The following STK3 variants were observed in gnomAD, a reference collection of about 807,000 sequenced individuals.
The protein encoded by STK3 is serine/threonine kinase 3.
STK3 carries 41 observed loss-of-function variants against 58.0 expected under a neutral mutation model. The ratio of observed to expected loss-of-function variants is 0.71; its 90% CI spans 0.55 to 0.92. The LOEUF is 0.92. Ranked by LOEUF, STK3 falls within the 40% of genes least tolerant of loss-of-function variation. STK3 has a pLI of 0.00. For synonymous variants in STK3, 170 were observed against 191.0 expected (o/e 0.89, Z 0.91); for missense variants, 479 against 602.7 (o/e 0.79, Z 2.15).
chr8:98,350,767 A>G, the STK3 span, among the ~76,000 whole-genome samples: 1 of 152,226 alleles, frequency 6.6e-6, no homozygotes, highest in African/African-American at 2.4e-5. Flanking sequence ...TACCATGAGA[A>G]CAGTATGGGG....
intron 1 of STK3, among the ~76,000 whole-genome samples, chr8:98,934,169 G>C (rs1199460603): frequency 2.6e-5 from 4 of 152,220 alleles, no homozygotes; most frequent in Admixed American, 2.6e-4. Flanking sequence ...ACAGAGCCAG[G>C]AAGAATCCAG....
rs534412254 is a variant in STK3, at chr8:98,654,592, G to C, written c.684+51875C>G. On this transcript the variant is annotated intron_variant, in intron 6 of 10. Transcript: ENST00000419617. ...TTGGATATCTAGAAAACCCCATTGT[G>C]TTAGCCCAAAATCTCCTTAAGCTGA... is the stretch of plus-strand genomic sequence containing the variant. 8.0e-4 allele frequency among the ~76,000 whole-genome samples: 122 copies of C among 152,168 alleles called. No individual in the cohort carries two copies. In the South Asian group the frequency reaches 0.011, roughly 14 times the overall value.
chr8:98,353,736 C>T, the STK3 span, among the ~76,000 whole-genome samples: 3 of 152,098 alleles, frequency 2.0e-5, no homozygotes, highest in African/African-American at 7.2e-5. Context: ...TAGGATATCA[C>T]CAACTTGCAG....
intron 8 of STK3, among the ~76,000 whole-genome samples, chr8:98,556,500 G>C (rs1811599323): frequency 6.6e-6 from 1 of 152,074 alleles, no homozygotes; most frequent in Non-Finnish European, 1.5e-5. Flanking sequence ...GGTAAAATTA[G>C]GGAAGAATAG....
At chr8:98,723,350 GA>G (rs1421058622) in intron 4 of STK3, among the ~76,000 whole-genome samples, 1 of 152,086 alleles carries the variant, frequency 6.6e-6, no homozygotes, top group East Asian at 1.9e-4. Context: ...AAAACAAAAA[GA>G]TGGTTTTGAT....
chr8:98,510,233 T>C (rs939820263), intron 10 of STK3, among the ~76,000 whole-genome samples: 1 of 152,136 alleles, frequency 6.6e-6, no homozygotes, highest in Non-Finnish European at 1.5e-5. Context: ...TTAAGTATTA[T>C]TGAACAGTCA....
At chr8:98,446,802 G>A (rs943390241) in intron 1 of STK3, among the ~76,000 whole-genome samples, 2 of 152,076 alleles carry the variant, frequency 1.3e-5, no homozygotes, top group Non-Finnish European at 2.9e-5. Context: ...GTTCATTGCT[G>A]CATCACTCAC....
At chr8:98,814,415 G>A (rs911361641) in intron 1 of STK3, among the ~76,000 whole-genome samples, 2 of 146,186 alleles carry the variant, frequency 1.4e-5, no homozygotes, top group Non-Finnish European at 3.0e-5. Flanking sequence ...ATAATTACAA[G>A]TCACTGCAGC....
intron 1 of STK3, among the ~76,000 whole-genome samples, chr8:98,896,621 T>C (rs1411643790): frequency 1.3e-5 from 2 of 152,226 alleles, no homozygotes; most frequent in Non-Finnish European, 2.9e-5. Context: ...TTTGACCAAG[T>C]CCAGCCTCCC....
intron 10 of STK3, among the ~76,000 whole-genome samples, chr8:98,494,654 C>CAAAAAAAAAA (rs398008984): frequency 4.9e-5 from 2 of 40,458 alleles, no homozygotes; most frequent in South Asian, 1.3e-3. Context: ...GACCCTGTCT[C>CAAAAAAAAAA]AAAAAAAAAA....
At chr8:98,740,383 A>C (rs962956148) in intron 4 of STK3, among the ~76,000 whole-genome samples, 1 of 152,258 alleles carries the variant, frequency 6.6e-6, no homozygotes, top group Non-Finnish European at 1.5e-5. Flanking sequence ...CCATCAGACT[A>C]ACAGCTGATC....
At chr8:98,413,571 T>C in intron 3 of STK3, 1 of 664,980 alleles carries the variant, frequency 1.5e-6, no homozygotes, top group Non-Finnish European at 2.9e-6. Flanking sequence ...AGATGACAAC[T>C]TTGTGTCTAA....
chr8:98,860,230 A>G (rs967125474), intron 3 of STK3, among the ~76,000 whole-genome samples: 5 of 152,232 alleles, frequency 3.3e-5, no homozygotes, highest in African/African-American at 9.7e-5. Flanking sequence ...CATGAAATAG[A>G]TAAGTGCTAT....
chr8:98,767,630 G>C lies in STK3; in HGVS notation c.108-259C>G, dbSNP rs530750700. ...TCTTATGAATGAAAGAAACAGACTT[G>C]CGTTTGGTCAACTCAAACAAATGCA... On this transcript the variant is annotated intron_variant, in intron 2 of 10. Transcript: ENST00000419617. Among the ~76,000 whole-genome samples the C allele has an allele frequency of 8.5e-5, 13 of 152,212 alleles. No homozygotes were observed. In the East Asian group the frequency reaches 9.6e-4, roughly 11 times the overall value.
intron 9 of STK3, among the ~76,000 whole-genome samples, chr8:98,536,921 A>G (rs1459970299): frequency 6.6e-6 from 1 of 152,184 alleles, no homozygotes; most frequent in Non-Finnish European, 1.5e-5. Flanking sequence ...AAATATCACT[A>G]CGTCTCAGAT....
At chr8:98,793,569 C>T (rs1427251794) in intron 1 of STK3, among the ~76,000 whole-genome samples, 4 of 152,072 alleles carry the variant, frequency 2.6e-5, no homozygotes, top group Non-Finnish European at 5.9e-5. Context: ...TAGGAAAAGA[C>T]TTAAACAACC....
chr8:98,392,355 C>G (rs894289429), upstream of STK3, among the ~76,000 whole-genome samples: 4 of 152,156 alleles, frequency 2.6e-5, no homozygotes, highest in African/African-American at 9.7e-5. Flanking sequence ...TCATCCTAAA[C>G]AATACCCCAT....
chr8:98,362,108 G>C, the STK3 span, among the ~76,000 whole-genome samples: 1 of 152,156 alleles, frequency 6.6e-6, no homozygotes, highest in Non-Finnish European at 1.5e-5. Context: ...AAGGAAGGTC[G>C]GTTAACCAAC....
intron 3 of STK3, among the ~76,000 whole-genome samples, chr8:98,414,525 A>G (rs188069309): frequency 3.6e-4 from 55 of 152,324 alleles, no homozygotes; most frequent in African/African-American, 1.3e-3. Flanking sequence ...AATAGAACCT[A>G]CACAAAGCTG....
Sources: gnomAD v4.1 joint callset for allele counts (sites outside exome capture counted in the v4.1 genomes callset) on GRCh38, gnomAD v4.1.1 for gene constraint, MANE v1.5 for transcripts, NCBI Gene and HGNC (gene_info 2026-07-23, HGNC 2026-07-21) for gene names.